DOCK2: variants seen among roughly 807,000 people sequenced by gnomAD.
DOCK2 encodes the protein dedicator of cytokinesis protein 2.
In DOCK2, 87 loss-of-function variants were observed where a neutral mutation model predicts 248.9. The ratio of observed to expected loss-of-function variants is 0.35; its 90% CI spans 0.29 to 0.42. The LOEUF (loss-of-function observed/expected upper bound fraction) is 0.42. Among genes scored for constraint, DOCK2 ranks in the 10% least tolerant of loss-of-function variants. DOCK2 has a pLI of 1.00. For missense variants in DOCK2, 1,747 were observed against 2,300.2 expected, an observed-to-expected ratio of 0.76 and a Z score of 4.92; for synonymous variants, 805 against 821.6, an observed-to-expected ratio of 0.98 and a Z score of 0.35.
At chr5:169,736,119 C>T (rs576688140) in intron 22 of DOCK2, among the ~76,000 whole-genome samples, 1 of 152,318 alleles carries the variant, frequency 6.6e-6, no homozygotes, top group Admixed American at 6.5e-5. Context: ...GTCCCTCCCC[C>T]AACATTGTAA....
At chr5:170,036,672 G>A (rs1756334143) in intron 36 of DOCK2, 117 bp downstream of exon 36, 6 of 954,170 alleles carry the variant, frequency 6.3e-6, no homozygotes, top group Non-Finnish European at 7.7e-6. Flanking sequence ...TGACATTCAG[G>A]CCCTCTGTGT....
chr5:169,767,489 G>A (rs779774314), intron 25 of DOCK2, among the ~76,000 whole-genome samples: 2 of 152,186 alleles, frequency 1.3e-5, no homozygotes, highest in Non-Finnish European at 2.9e-5. Context: ...TTTGAAAAAT[G>A]TGAATAGGAG....
chr5:169,663,508 G>A (rs1316604994), intron 2 of DOCK2, among the ~76,000 whole-genome samples: 1 of 152,220 alleles, frequency 6.6e-6, no homozygotes, highest in East Asian at 1.9e-4. Flanking sequence ...TTCTGCCCCT[G>A]CAGAAGACTT....
intron 27 of DOCK2, among the ~76,000 whole-genome samples, chr5:169,982,697 A>T (rs1777974026): frequency 6.6e-6 from 1 of 152,238 alleles, no homozygotes; most frequent in Non-Finnish European, 1.5e-5. Flanking sequence ...GTGCTAAAGG[A>T]GCCACCTGAT....
rs79232292 is a variant in DOCK2 at position 169,950,526 on chromosome 5, C to T, written c.2800-32542C>T. Reference sequence around the variant, plus strand: ...AGTTTTGGGCCACACAACATGGCCCCTCTCTTGTAGCAAAGAAGTCATTCT... The same window carrying T: ...AGTTTTGGGCCACACAACATGGCCCTTCTCTTGTAGCAAAGAAGTCATTCT... On this transcript the variant is annotated intron_variant, in intron 27 of 51. Transcript: ENST00000520908. Among the ~76,000 whole-genome samples the T allele has an allele frequency of 8.0e-3, 1,215 of 152,290 alleles. 62 individuals are homozygous for T. In the East Asian group the frequency reaches 0.13, roughly 17 times the overall value.
chr5:169,684,363 A>G lies in DOCK2; in HGVS notation c.761+13A>G. ...AAACGGTCATAAGGTAGGTGTGTCCAGGGTTGCCCTACTTCTCTGACTATG... is the reference window on the plus strand; with the variant it reads ...AAACGGTCATAAGGTAGGTGTGTCCGGGGTTGCCCTACTTCTCTGACTATG... On this transcript the variant is annotated intron_variant, in intron 8 of 51. Transcript: ENST00000520908. 3 of 1,612,990 alleles carry G rather than the reference A, an allele frequency of 1.9e-6. No individual in the cohort carries two copies. In the South Asian group the frequency reaches 3.3e-5, roughly 18 times the overall value.
At chr5:169,655,871 A>G (rs1758082397) in intron 2 of DOCK2, among the ~76,000 whole-genome samples, 1 of 152,214 alleles carries the variant, frequency 6.6e-6, no homozygotes, top group Admixed American at 6.5e-5. Flanking sequence ...AACTTTGTTC[A>G]TCTTCCTTAT....
In DOCK2 at chr5:170,082,931, C is replaced by T; in HGVS notation, c.*73C>T. 1.3e-6 allele frequency: 2 copies of T among 1,591,810 alleles called. No homozygotes were observed. Reference sequence around the variant, plus strand: ...TGGAAGAGGAAAGCCATGCGTGGAACATCGAAGCCTCAGAGAGTGGGAGAC... The same window carrying T: ...TGGAAGAGGAAAGCCATGCGTGGAATATCGAAGCCTCAGAGAGTGGGAGAC... On this transcript the variant is annotated 3_prime_UTR_variant, in exon 52 of 52. Transcript: ENST00000520908.
At position 170,008,756 on chromosome 5, in the gene DOCK2, C is replaced by A. The variant is rs1415760805; in HGVS notation, c.3232+10C>A. ...ATGTGGTACAAGCTTGGTGAGTAGGCACACACATCCAGATACTCACATCTG... is the reference window on the plus strand; with the variant it reads ...ATGTGGTACAAGCTTGGTGAGTAGGAACACACATCCAGATACTCACATCTG... On this transcript the variant is annotated intron_variant, in intron 32 of 51. Coordinates refer to ENST00000520908, the MANE Select transcript of DOCK2 (RefSeq NM_004946.3). 6.2e-7 allele frequency: 1 copy of A among 1,613,734 alleles called. No homozygotes were observed. Among genetic ancestry groups the A allele is most frequent in the Non-Finnish European group, 8.5e-7 (1 of 1,179,850 alleles).
intron 25 of DOCK2, among the ~76,000 whole-genome samples, chr5:169,794,751 G>A (rs1167865083): frequency 5.9e-5 from 9 of 152,062 alleles, no homozygotes; most frequent in African/African-American, 1.7e-4. Flanking sequence ...GGTGAAACCC[G>A]TCTCTACTAA....
intron 45 of DOCK2, among the ~76,000 whole-genome samples, chr5:170,068,482 T>A (rs531461649): frequency 6.6e-6 from 1 of 152,190 alleles, no homozygotes; most frequent in Non-Finnish European, 1.5e-5. Flanking sequence ...CACACAGTAG[T>A]ATAATTTGGG....
chr5:169,713,944 A>G, intron 17 of DOCK2, 84 bp from the exon 18 acceptor site: 4 of 1,432,908 alleles, frequency 2.8e-6, no homozygotes, highest in East Asian at 4.7e-5. Flanking sequence ...CCCACTTCAC[A>G]GTGTCTAATT....
intron 27 of DOCK2, among the ~76,000 whole-genome samples, chr5:169,969,138 G>C (rs1027838181): frequency 6.6e-6 from 1 of 151,758 alleles, no homozygotes; most frequent in African/African-American, 2.4e-5. Context: ...ATCAAAGTGA[G>C]ACTCTGTTTC....
At chr5:169,804,902 A>G (rs1767260134) in intron 26 of DOCK2, among the ~76,000 whole-genome samples, 2 of 152,350 alleles carry the variant, frequency 1.3e-5, no homozygotes, top group East Asian at 3.9e-4. Flanking sequence ...TTCTAGATTC[A>G]TTCAGATGAT....
At chr5:169,739,687 A>G (rs1763211348) in intron 22 of DOCK2, among the ~76,000 whole-genome samples, 1 of 152,168 alleles carries the variant, frequency 6.6e-6, no homozygotes, top group South Asian at 2.1e-4. Flanking sequence ...TTTCAATTAT[A>G]TAGAAACCTC....
At chr5:169,983,716 C>T (rs933996004) in intron 28 of DOCK2, among the ~76,000 whole-genome samples, 1 of 152,154 alleles carries the variant, frequency 6.6e-6, no homozygotes, top group Non-Finnish European at 1.5e-5. Flanking sequence ...GCACACTTTG[C>T]CCTCAGTGTG....
At chr5:169,666,622 AG>A in intron 2 of DOCK2, among the ~76,000 whole-genome samples, 2 of 152,312 alleles carry the variant, frequency 1.3e-5, no homozygotes, top group Middle Eastern at 6.8e-3. Context: ...TGACCATATT[AG>A]GGAACCAACA....
At chr5:169,848,762 C>G (rs1309645220) in intron 27 of DOCK2, among the ~76,000 whole-genome samples, 2 of 152,294 alleles carry the variant, frequency 1.3e-5, no homozygotes, top group Non-Finnish European at 2.9e-5. Flanking sequence ...AAGGTAAATG[C>G]TTGGCATCAT....
intron 6 of DOCK2, among the ~76,000 whole-genome samples, chr5:169,678,965 T>G (rs534704340): frequency 1.4e-3 from 208 of 151,958 alleles, no homozygotes; most frequent in African/African-American, 4.8e-3. Flanking sequence ...AGATGAGAGG[T>G]TGACATGACC....
Sources: allele counts gnomAD v4.1 joint callset (sites outside exome capture counted in the v4.1 genomes callset), GRCh38; gene constraint gnomAD v4.1.1; transcripts MANE v1.5; gene names NCBI Gene and HGNC (gene_info 2026-07-23, HGNC 2026-07-21).